PCBP3: variants seen among roughly 807,000 people sequenced by gnomAD.
PCBP3 encodes the protein poly(rC)-binding protein 3.
PCBP3 carries 25 observed loss-of-function variants against 52.7 expected under a neutral mutation model. The ratio of observed to expected loss-of-function variants is 0.47; its 90% CI spans 0.35 to 0.66. PCBP3 has a LOEUF of 0.66. Ranked by LOEUF, PCBP3 falls within the 30% of genes least tolerant of loss-of-function variation. PCBP3 has a pLI of 0.01. For synonymous variants in PCBP3, 162 were observed against 183.0 expected (o/e 0.89, Z 0.93); for missense variants, 391 against 490.3 (o/e 0.80, Z 1.91).
rs114983354 is a variant in PCBP3, at chr21:45,769,352, C to G, written c.-126+13900C>G. On this transcript the variant is annotated intron_variant, in intron 4 of 17. Coordinates refer to ENST00000681687, the MANE Select transcript of PCBP3 (RefSeq NM_001384156.1). ...AAAACTCGCCCTCCCAAACCTGTCC[C>G]TGAGTGCAGGTGACAGTGCGTGCTC... 4.9e-3 allele frequency among the ~76,000 whole-genome samples: 741 copies of G among 152,360 alleles called. 6 individuals carry two copies. Among genetic ancestry groups the G allele is most frequent in the African/African-American group, 0.017 (710 of 41,592 alleles).
rs71324437 is a variant in PCBP3 at position 45,660,633 on chromosome 21, A to G, written c.-278-8241A>G. On this transcript the variant is annotated intron_variant, in intron 1 of 17. Coordinates refer to ENST00000681687, the MANE Select transcript of PCBP3 (RefSeq NM_001384156.1). Reference sequence around the variant, plus strand: ...GTTACTTGGGGTCTTACTACTGGCAATTTGTAACAGTTTAGTTTGGATTAG... The same window carrying G: ...GTTACTTGGGGTCTTACTACTGGCAGTTTGTAACAGTTTAGTTTGGATTAG... Among the ~76,000 whole-genome samples, 564 of 152,030 alleles carry G rather than the reference A, an allele frequency of 3.7e-3. 1 individual carries two copies. Among genetic ancestry groups the G allele is most frequent in the Non-Finnish European group, 6.3e-3 (430 of 67,952 alleles).
chr21:45,794,146 A>G (rs2838996), intron 4 of PCBP3, among the ~76,000 whole-genome samples: 29,648 of 152,112 alleles, frequency 0.19, 3,134 homozygotes, highest in Middle Eastern at 0.33. Flanking sequence ...TTTTCAGGGG[A>G]AATTTATAGA....
At chr21:45,861,106 C>A (rs896775539) in intron 5 of PCBP3, among the ~76,000 whole-genome samples, 1 of 152,200 alleles carries the variant, frequency 6.6e-6, no homozygotes, top group African/African-American at 2.4e-5. Context: ...ACCCTCAGCT[C>A]CTCCCTTCAC....
chr21:45,727,152 T>G (rs1027772360), intron 2 of PCBP3, among the ~76,000 whole-genome samples: 4 of 152,270 alleles, frequency 2.6e-5, no homozygotes, highest in Admixed American at 1.3e-4. Flanking sequence ...TTTATAGTTT[T>G]GACTATTACA....
chr21:45,698,493 G>T (rs968666024), intron 2 of PCBP3, among the ~76,000 whole-genome samples: 1 of 152,210 alleles, frequency 6.6e-6, no homozygotes, highest in African/African-American at 2.4e-5. Flanking sequence ...GGGCTCTCTT[G>T]GGGAGAAGGG....
intron 4 of PCBP3, chr21:45,828,224 C>T (rs1407814930): frequency 6.6e-6 from 1 of 152,202 alleles, no homozygotes; most frequent in Non-Finnish European, 1.5e-5. Flanking sequence ...AATTCAGTCA[C>T]CATCATTTGC....
At chr21:45,894,699 C>T (rs1369427988) in intron 5 of PCBP3, among the ~76,000 whole-genome samples, 1 of 152,232 alleles carries the variant, frequency 6.6e-6, no homozygotes, top group Non-Finnish European at 1.5e-5. Context: ...CCACACGAGG[C>T]TGTTTGGCAC....
Position 45,671,268 on chromosome 21 carries a change from C to T in PCBP3, c.-200+2316C>T, listed in dbSNP as rs887611126. ...TTTCACGACTGTCATGCACTCATCTCTCCAGGGACACAATCCAGAGTTGCC... is the reference window on the plus strand; with the variant it reads ...TTTCACGACTGTCATGCACTCATCTTTCCAGGGACACAATCCAGAGTTGCC... On this transcript the variant is annotated intron_variant, in intron 2 of 17. Transcript: ENST00000681687. 6.6e-5 allele frequency among the ~76,000 whole-genome samples: 10 copies of T among 152,336 alleles called. No individual in the cohort carries two copies. The East Asian group carries it at 1.5e-3, about 23-fold the overall frequency.
intron 4 of PCBP3, among the ~76,000 whole-genome samples, chr21:45,782,026 T>C (rs2090674450): frequency 6.6e-6 from 1 of 150,950 alleles, no homozygotes; most frequent in South Asian, 2.1e-4. Flanking sequence ...GTTCATTCAG[T>C]ATTCCATTAT....
Position 45,917,459 on chromosome 21 carries a change from G to A in PCBP3, c.676-129G>A. ...GGGTTGGCCCTTTGTCCTAGGATGG[G>A]GACAGGTGGAGAGGCACACGAGGGG... On this transcript the variant is annotated intron_variant, in intron 12 of 17. Transcript: ENST00000681687. This position sits in a 1 kb window ranked among gnomAD's most constrained non-coding sequence, Gnocchi z 5.3. 1 of 726,920 alleles carries A rather than the reference G, an allele frequency of 1.4e-6. No homozygotes were observed. The highest frequency in any genetic ancestry group is 2.4e-6 in the Non-Finnish European group (1 of 415,016). The allele number at this position is 726,920 out of a possible 1,614,324, so 45.0% of individuals were successfully genotyped here. A position where few individuals can be genotyped will look rare whatever the true frequency, so the allele number is the denominator to read the frequency against.
At chr21:45,890,541 G>C (rs1488871833) in intron 5 of PCBP3, among the ~76,000 whole-genome samples, 2 of 150,748 alleles carry the variant, frequency 1.3e-5, no homozygotes, top group Non-Finnish European at 2.9e-5. Context: ...ACAGAACCTG[G>C]AACTCCGCAT....
intron 2 of PCBP3, among the ~76,000 whole-genome samples, chr21:45,695,818 C>T (rs530348607): frequency 3.3e-5 from 5 of 152,172 alleles, no homozygotes; most frequent in Admixed American, 2.0e-4. Flanking sequence ...CGTTGGCTCA[C>T]GTGTGTAATC....
chr21:45,739,742 AC>A (rs1373081128), intron 3 of PCBP3, among the ~76,000 whole-genome samples: 2 of 62,908 alleles, frequency 3.2e-5, no homozygotes, highest in African/African-American at 6.6e-5. Context: ...CTCTGGGTGG[AC>A]CCCCCATCTT....
At chr21:45,933,947 C>T (rs2076597826) in intron 15 of PCBP3, among the ~76,000 whole-genome samples, 1 of 152,068 alleles carries the variant, frequency 6.6e-6, no homozygotes, top group South Asian at 2.1e-4. Flanking sequence ...AGCTGTGTGG[C>T]TTTAACATGG....
intron 3 of PCBP3, among the ~76,000 whole-genome samples, chr21:45,743,223 A>G (rs559202282): frequency 6.6e-6 from 1 of 152,312 alleles, no homozygotes; most frequent in South Asian, 2.1e-4. Context: ...TAGGAAAACT[A>G]TCAGTTTTTA....
At position 45,800,311 on chromosome 21, in the gene PCBP3, C is replaced by T. The variant is rs2092244489; in HGVS notation, c.-126+44859C>T. On this transcript the variant is annotated intron_variant, in intron 4 of 17. Coordinates refer to ENST00000681687, the MANE Select transcript of PCBP3 (RefSeq NM_001384156.1). This position sits in a 1 kb window ranked among gnomAD's most constrained non-coding sequence, Gnocchi z 5.3. ...AGGTCAGGGCTACCCCTCGCACAGC[C>T]CAGCAGGATGTGGGAGCAAGCCTGT... Among the ~76,000 whole-genome samples, 1 of 152,164 alleles carries T rather than the reference C, an allele frequency of 6.6e-6. No individual in the cohort carries two copies. The highest frequency in any genetic ancestry group is 1.5e-5 in the Non-Finnish European group (1 of 68,018).
At chr21:45,923,197 C>T (rs965471102) in intron 13 of PCBP3, among the ~76,000 whole-genome samples, 1 of 152,198 alleles carries the variant, frequency 6.6e-6, no homozygotes, top group African/African-American at 2.4e-5. Context: ...CTGTGTCTCC[C>T]TCTGGAACCC....
chr21:45,880,605 C>G lies in PCBP3; in HGVS notation c.11-15603C>G, dbSNP rs1439597349. The stretch of plus-strand genomic sequence containing the variant: ...ATACATACTGCGCCCCCTTGTGGGC[C>G]AAGAGTGGTGCTGGGAACTGGGGAT... On this transcript the variant is annotated intron_variant, in intron 5 of 17. Coordinates refer to ENST00000681687, the MANE Select transcript of PCBP3 (RefSeq NM_001384156.1). The surrounding 1 kb of genome is among the most constrained non-coding windows in gnomAD (Gnocchi z 5.4). Among the ~76,000 whole-genome samples the G allele has an allele frequency of 6.6e-6, 1 of 152,080 alleles. No individual in the cohort carries two copies. The highest frequency in any genetic ancestry group is 1.5e-5 in the Non-Finnish European group (1 of 68,040).
intron 1 of PCBP3, among the ~76,000 whole-genome samples, chr21:45,654,090 AAATT>A (rs1444293199): frequency 6.6e-6 from 1 of 152,180 alleles, no homozygotes; most frequent in Non-Finnish European, 1.5e-5. Context: ...TCAGTGAAAT[AAATT>A]AATATTAACG....
Sources: gnomAD v4.1 joint callset for allele counts (sites outside exome capture counted in the v4.1 genomes callset) on GRCh38, gnomAD v4.1.1 for gene constraint, Gnocchi (gnomAD v3.1) non-coding constraint, MANE v1.5 for transcripts, NCBI Gene and HGNC (gene_info 2026-07-23, HGNC 2026-07-21) for gene names.